FRMPD4: variants seen among roughly 807,000 people sequenced by gnomAD.
FRMPD4 encodes the protein FERM and PDZ domain containing 4, also known as FERM and PDZ domain-containing protein 4.
FRMPD4 carries 22 observed loss-of-function variants against 94.1 expected under a neutral mutation model. The ratio of observed to expected loss-of-function variants is 0.23; its 90% CI spans 0.17 to 0.33. FRMPD4 has a LOEUF of 0.33. Among genes scored for constraint, FRMPD4 ranks in the 10% least tolerant of loss-of-function variants. The pLI is 1.00. For synonymous variants in FRMPD4, 631 were observed against 548.6 expected, an observed-to-expected ratio of 1.15 and a Z score of -2.10; for missense variants, 1,111 against 1,339.9, an observed-to-expected ratio of 0.83 and a Z score of 2.67.
At chrX:12,030,115 A>G (rs2054683006) in intron 3 of FRMPD4, among the ~76,000 whole-genome samples, 1 of 112,177 alleles carries the variant, frequency 8.9e-6, no homozygotes. Flanking sequence ...AACGCTAAAA[A>G]CCAGTCTAAC....
intron 3 of FRMPD4, among the ~76,000 whole-genome samples, chrX:11,962,518 C>A (rs2054289118): frequency 8.9e-6 from 1 of 111,867 alleles, no homozygotes; most frequent in African/African-American, 3.3e-5. Flanking sequence ...TGCATTCAAA[C>A]CAATAGCAGC....
chrX:11,873,484 G>A (rs2053765963), intron 2 of FRMPD4, among the ~76,000 whole-genome samples: 1 of 110,704 alleles, frequency 9.0e-6, no homozygotes, highest in Non-Finnish European at 1.9e-5. Flanking sequence ...AATACTTAGG[G>A]ATAAATTAGC....
At chrX:12,431,902 C>T (rs5935336) in intron 1 of FRMPD4, among the ~76,000 whole-genome samples, 39,195 of 110,894 alleles carry the variant, frequency 0.35, 5,369 homozygotes, top group East Asian at 0.53. Flanking sequence ...CTACCACATT[C>T]TCTTTATTGA....
At chrX:12,155,055 G>C (rs2055913337) in intron 1 of FRMPD4, among the ~76,000 whole-genome samples, 1 of 111,852 alleles carries the variant, frequency 8.9e-6, no homozygotes, top group African/African-American at 3.3e-5. Flanking sequence ...GCTCAAAGTG[G>C]GTCACATGGT....
chrX:12,331,677 T>C (rs1305175088), intron 1 of FRMPD4, among the ~76,000 whole-genome samples: 1 of 72,841 alleles, frequency 1.4e-5, no homozygotes, highest in African/African-American at 5.8e-5. Flanking sequence ...AATATATAAA[T>C]TATATATTTA....
chrX:12,158,975 A>G (rs1209061483), intron 1 of FRMPD4, among the ~76,000 whole-genome samples: 1 of 112,115 alleles, frequency 8.9e-6, no homozygotes, highest in Admixed American at 9.5e-5. Context: ...GCCTTCTTGA[A>G]CAGTCCTGAA....
intron 1 of FRMPD4, among the ~76,000 whole-genome samples, chrX:12,296,453 C>T (rs942643309): frequency 1.8e-5 from 2 of 111,574 alleles, no homozygotes; most frequent in African/African-American, 6.5e-5. Flanking sequence ...GCTGTGTCCA[C>T]GTAACACAAG....
chrX:11,948,869 A>G (rs1430934852), intron 3 of FRMPD4, among the ~76,000 whole-genome samples: 1 of 112,266 alleles, frequency 8.9e-6, no homozygotes, highest in Non-Finnish European at 1.9e-5. Context: ...ATTCTGGCCA[A>G]TTAAGATTTT....
At chrX:12,584,204 T>G (rs902060232) in intron 2 of FRMPD4, among the ~76,000 whole-genome samples, 3 of 112,550 alleles carry the variant, frequency 2.7e-5, no homozygotes, top group Non-Finnish European at 5.6e-5. Flanking sequence ...GCCTTCTGGC[T>G]CGTCTCTAAA....
At chrX:12,543,367 T>C (rs1338147304) in intron 2 of FRMPD4, among the ~76,000 whole-genome samples, 1 of 111,730 alleles carries the variant, frequency 9.0e-6, no homozygotes, top group African/African-American at 3.3e-5. Flanking sequence ...ATCCAGAATC[T>C]ACAAAGAACT....
intron 1 of FRMPD4, among the ~76,000 whole-genome samples, chrX:12,407,411 C>A (rs990297266): frequency 9.0e-6 from 1 of 111,631 alleles, no homozygotes; most frequent in Non-Finnish European, 1.9e-5. Flanking sequence ...AGTTCTGGCT[C>A]CACCATCTAC....
chrX:12,160,840 G>A (rs1261271761), intron 1 of FRMPD4, among the ~76,000 whole-genome samples: 1 of 110,942 alleles, frequency 9.0e-6, no homozygotes, highest in Admixed American at 9.6e-5. Flanking sequence ...GTGTTATTAT[G>A]AGTACTGGTA....
rs146286702 is a variant in FRMPD4 at position 12,447,320 on chromosome X, A to G, written c.42-51360A>G. 9.4e-4 allele frequency among the ~76,000 whole-genome samples: 104 copies of G among 111,017 alleles called. 1 individual carries two copies. Among genetic ancestry groups the G allele is most frequent in the Non-Finnish European group, 1.8e-3 (94 of 53,139 alleles). On this transcript the variant is annotated intron_variant, in intron 1 of 16. Transcript: ENST00000675598. ...GGCCTTAATGCTAGACGTCATAAGC[A>G]CTGCTTTTCACCCCCCAGTTGTGAC... is the stretch of plus-strand genomic sequence containing the variant.
chrX:12,409,695 A>ATGAT (rs1344975349), intron 1 of FRMPD4, among the ~76,000 whole-genome samples: 4 of 112,616 alleles, frequency 3.6e-5, no homozygotes, highest in African/African-American at 1.3e-4. Flanking sequence ...TCAAATAGAA[A>ATGAT]TGATTTCAAA....
rs969435600 is a variant in FRMPD4 at position 11,832,297 on chromosome X, A to G, written c.-161+9582A>G. On this transcript the variant is annotated intron_variant, in intron 1 of 18. Coordinates refer to the FRMPD4 transcript ENST00000640291. ...TTCCCATGGATATATCTAATGGGCAATAACTATGGGGAGACAGACATCTCA... is the reference window on the plus strand; with the variant it reads ...TTCCCATGGATATATCTAATGGGCAGTAACTATGGGGAGACAGACATCTCA... 2.7e-5 allele frequency among the ~76,000 whole-genome samples: 3 copies of G among 111,880 alleles called. No homozygotes were observed. In the South Asian group the frequency reaches 1.1e-3, roughly 42 times the overall value.
intron 1 of FRMPD4, among the ~76,000 whole-genome samples, chrX:12,438,480 C>A (rs1397181082): frequency 1.8e-5 from 2 of 109,097 alleles, no homozygotes; most frequent in Admixed American, 2.0e-4. Context: ...CTTTATAATT[C>A]CAAAAGTGGT....
At chrX:12,098,160 A>G (rs1253389051) in intron 3 of FRMPD4, among the ~76,000 whole-genome samples, 1 of 111,491 alleles carries the variant, frequency 9.0e-6, no homozygotes, top group Non-Finnish European at 1.9e-5. Context: ...TTCATTATAT[A>G]TTTCAGGTAA....
chrX:12,225,470 T>C (rs1207215123), intron 1 of FRMPD4, among the ~76,000 whole-genome samples: 1 of 112,075 alleles, frequency 8.9e-6, no homozygotes, highest in African/African-American at 3.2e-5. Flanking sequence ...CATAACTGAG[T>C]GAAGCTAATA....
Position 12,419,310 on chromosome X carries a change from G to A in FRMPD4, c.42-79370G>A, listed in dbSNP as rs180833214. 9.0e-5 allele frequency among the ~76,000 whole-genome samples: 10 copies of A among 111,587 alleles called. No homozygotes were observed. In the East Asian group the frequency reaches 2.5e-3, roughly 28 times the overall value. On this transcript the variant is annotated intron_variant, in intron 1 of 16. Coordinates refer to ENST00000675598, the MANE Select transcript of FRMPD4 (RefSeq NM_001368397.1). The stretch of plus-strand genomic sequence containing the variant: ...CTGCAACAGATTGAATCCAGAAGCC[G>A]ATAGAAAAAACCCACTGTCATCTGT...
Sources: allele counts gnomAD v4.1 joint callset (sites outside exome capture counted in the v4.1 genomes callset), GRCh38; gene constraint gnomAD v4.1.1; transcripts MANE v1.5; gene names NCBI Gene and HGNC (gene_info 2026-07-23, HGNC 2026-07-21).